GNB1: variants seen among roughly 807,000 people sequenced by gnomAD.
GNB1 encodes the protein G protein subunit beta 1, also known as guanine nucleotide-binding protein G(I)/G(S)/G(T) subunit beta-1.
Under a neutral mutation model 42.9 loss-of-function variants are expected in GNB1, and 2 were observed. The ratio of observed to expected loss-of-function variants is 0.05; its 90% CI spans 0.02 to 0.15. The LOEUF is 0.15. Ranked by LOEUF, GNB1 falls within the 10% of genes least tolerant of loss-of-function variation. The pLI is 1.00. For synonymous variants in GNB1, 183 were observed against 174.7 expected (o/e 1.05, Z -0.38); for missense variants, 193 against 462.2 (o/e 0.42, Z 5.34).
chr1:1,819,342 C>T (rs1646899741), intron 3 of GNB1, among the ~76,000 whole-genome samples: 1 of 151,894 alleles, frequency 6.6e-6, no homozygotes, highest in Non-Finnish European at 1.5e-5. Flanking sequence ...CCCGTCTCAG[C>T]CTCTTGAGTA....
chr1:1,801,729 C>T (rs1023361297), intron 7 of GNB1, among the ~76,000 whole-genome samples: 5 of 151,730 alleles, frequency 3.3e-5, no homozygotes, highest in African/African-American at 9.7e-5. Context: ...AAGGGAACAA[C>T]CAAAAAACAA....
At chr1:1,863,354 G>T (rs1464920289) in intron 1 of GNB1, among the ~76,000 whole-genome samples, 2 of 152,152 alleles carry the variant, frequency 1.3e-5, no homozygotes, top group African/African-American at 4.8e-5. Flanking sequence ...TAATATGTGA[G>T]ATAATTTGAC....
At chr1:1,861,632 A>G (rs12076620) in intron 1 of GNB1, among the ~76,000 whole-genome samples, 125,046 of 150,496 alleles carry the variant, frequency 0.83, 53,971 homozygotes, top group Non-Finnish European at 0.95. Flanking sequence ...TGGAGGGGCA[A>G]GAGAGGATGT....
chr1:1,800,816 C>T (rs1430875701), intron 7 of GNB1, among the ~76,000 whole-genome samples: 1 of 149,362 alleles, frequency 6.7e-6, no homozygotes, highest in African/African-American at 2.5e-5. Context: ...TCTAGATATC[C>T]AGCAAAAATA....
At chr1:1,788,915 T>A (rs1012954597) in intron 10 of GNB1, 138 bp downstream of exon 10, 6 of 651,864 alleles carry the variant, frequency 9.2e-6, no homozygotes, top group Non-Finnish European at 1.6e-5. Flanking sequence ...GCCATCAGTT[T>A]GCGACTGTCA....
intron 3 of GNB1, among the ~76,000 whole-genome samples, chr1:1,822,240 G>A (rs145420254): frequency 0.019 from 2,858 of 151,762 alleles, 40 homozygotes; most frequent in Non-Finnish European, 0.024. Context: ...TCCTGCCTTG[G>A]TATCCCAAAG....
intron 1 of GNB1, among the ~76,000 whole-genome samples, chr1:1,859,983 C>G (rs1295840580): frequency 2.0e-5 from 3 of 152,054 alleles, no homozygotes; most frequent in South Asian, 2.1e-4. Flanking sequence ...GTACAGCACA[C>G]CAACATGGCA....
chr1:1,834,950 G>T (rs892869129), intron 2 of GNB1, among the ~76,000 whole-genome samples: 1 of 152,136 alleles, frequency 6.6e-6, no homozygotes, highest in African/African-American at 2.4e-5. Context: ...TTACAGGCGT[G>T]AGCCACTGCA....
At chr1:1,869,258 C>A (rs1649120061) in intron 1 of GNB1, among the ~76,000 whole-genome samples, 1 of 150,902 alleles carries the variant, frequency 6.6e-6, no homozygotes, top group African/African-American at 2.4e-5. Flanking sequence ...AGACCAGAGG[C>A]TCTAGTCAGT....
chr1:1,866,078 A>G (rs1200955745), intron 1 of GNB1, among the ~76,000 whole-genome samples: 1 of 152,072 alleles, frequency 6.6e-6, no homozygotes, highest in Non-Finnish European at 1.5e-5. Flanking sequence ...AGCTGGGATT[A>G]CAGGCATGCA....
intron 1 of GNB1, among the ~76,000 whole-genome samples, chr1:1,840,001 T>G (rs1473321180): frequency 1.3e-5 from 2 of 151,670 alleles, no homozygotes; most frequent in Non-Finnish European, 2.9e-5. Flanking sequence ...TGTTTTTAAT[T>G]TTAATGTGTT....
chr1:1,788,798 A>G, intron 10 of GNB1: 2 of 457,640 alleles, frequency 4.4e-6, no homozygotes. Context: ...GAGCCTGCAC[A>G]GCTGACCCTC....
chr1:1,856,972 G>A (rs1648340465), intron 1 of GNB1, among the ~76,000 whole-genome samples: 1 of 152,190 alleles, frequency 6.6e-6, no homozygotes, highest in Admixed American at 6.5e-5. Context: ...CAGGTATATG[G>A]AGAGCATACT....
intron 1 of GNB1, among the ~76,000 whole-genome samples, chr1:1,845,773 GA>G (rs1466205143): frequency 6.9e-6 from 1 of 145,010 alleles, no homozygotes. Context: ...GGAGACAATG[GA>G]AATTCTCTAT....
chr1:1,805,229 C>T (rs1281968476), intron 6 of GNB1, among the ~76,000 whole-genome samples: 3 of 151,944 alleles, frequency 2.0e-5, no homozygotes, highest in African/African-American at 4.8e-5. Flanking sequence ...GAGGCTAAGG[C>T]GGGTGGATCA....
At chr1:1,844,431 C>T (rs944962864) in intron 1 of GNB1, among the ~76,000 whole-genome samples, 2 of 151,002 alleles carry the variant, frequency 1.3e-5, no homozygotes, top group African/African-American at 2.4e-5. Context: ...TTTTTCAAGG[C>T]TCTTGATAAA....
intron 1 of GNB1, among the ~76,000 whole-genome samples, chr1:1,883,949 A>C (rs1650001465): frequency 6.6e-6 from 1 of 151,380 alleles, no homozygotes; most frequent in Admixed American, 6.6e-5. Context: ...ATGCTCATCT[A>C]ATTATAAAGT....
intron 1 of GNB1, among the ~76,000 whole-genome samples, chr1:1,848,284 C>A (rs1647783287): frequency 6.9e-6 from 1 of 145,568 alleles, no homozygotes; most frequent in South Asian, 2.1e-4. Context: ...GAGGCTGAAG[C>A]AGGAAAACCG....
At chr1:1,795,127 A>G (rs1646529448) in intron 7 of GNB1, among the ~76,000 whole-genome samples, 1 of 152,222 alleles carries the variant, frequency 6.6e-6, no homozygotes, top group Admixed American at 6.5e-5. Flanking sequence ...TAGGGACCAC[A>G]AAGGTGAACC....
Sources: allele counts gnomAD v4.1 joint callset (sites outside exome capture counted in the v4.1 genomes callset), GRCh38; gene constraint gnomAD v4.1.1; transcripts MANE v1.5; gene names NCBI Gene and HGNC (gene_info 2026-07-23, HGNC 2026-07-21).